ABITRAM: variants seen among roughly 807,000 people sequenced by gnomAD.
ABITRAM encodes actin binding transcription modulator.
Under a neutral mutation model 22.9 loss-of-function variants are expected in ABITRAM, and 19 were observed. The ratio of observed to expected loss-of-function variants is 0.83; its 90% CI spans 0.58 to 1.22. The LOEUF (loss-of-function observed/expected upper bound fraction) is 1.22, where lower values mean the gene tolerates loss of function less well. ABITRAM is among the 50% of genes most tolerant of loss of function. ABITRAM has a pLI of 0.00. For synonymous variants in ABITRAM, 70 were observed against 73.9 expected (o/e 0.95, Z 0.27); for missense variants, 215 against 220.2 (o/e 0.98, Z 0.15).
intron 3 of ABITRAM, among the ~76,000 whole-genome samples, chr9:108,937,201 T>C (rs1701352069): frequency 6.6e-6 from 1 of 151,864 alleles, no homozygotes; most frequent in Admixed American, 6.6e-5. Flanking sequence ...TACGAGAAAA[T>C]ATATTTGCTC....
chr9:108,936,003 T>C (rs1393858084), intron 2 of ABITRAM: 8 of 492,504 alleles, frequency 1.6e-5, no homozygotes, highest in Admixed American at 3.4e-5. Flanking sequence ...AGGGCTACGG[T>C]AGAGACATGT....
chr9:108,942,027 C>T (rs538775565), downstream of ABITRAM, among the ~76,000 whole-genome samples: 2 of 152,254 alleles, frequency 1.3e-5, no homozygotes, highest in East Asian at 3.9e-4. Context: ...TCAATCAATA[C>T]TGAGAAAGTT....
At chr9:108,944,981 C>T (rs1587938770), downstream of ABITRAM, among the ~76,000 whole-genome samples, 1 of 152,314 alleles carries the variant, frequency 6.6e-6, no homozygotes, top group East Asian at 1.9e-4. Flanking sequence ...GATTCACTTC[C>T]CCAAGTGTTC....
Position 108,939,579 on chromosome 9 carries a change from T to C in ABITRAM, c.439T>C (p.Leu147=). The part of the protein sequence containing the change: ...PSTEGYIAVV[L]PKFEESKSIT... ...TACTGAAGGCTACATTGCAGTTGTG[T>C]TACCCAAATTTGAAGAAAGTAAAAG... Residue 147 remains leucine, a synonymous_variant, in exon 6 of 6, where the codon TTA becomes CTA. Transcript: ENST00000322940. 6.2e-7 allele frequency: 1 copy of C among 1,614,086 alleles called. No individual in the cohort carries two copies. Among genetic ancestry groups the C allele is most frequent in the South Asian group, 1.1e-5 (1 of 91,076 alleles).
chr9:108,945,569 C>T (rs1239342460), downstream of ABITRAM, among the ~76,000 whole-genome samples: 3 of 151,474 alleles, frequency 2.0e-5, no homozygotes, highest in Non-Finnish European at 4.4e-5. Context: ...TCAAGCGATC[C>T]TCCTGCCTCA....
chr9:108,939,130 G>A, intron 3 of ABITRAM, 66 bp from the exon 4 acceptor site: 1 of 1,344,194 alleles, frequency 7.4e-7, no homozygotes, highest in Non-Finnish European at 1.1e-6. Flanking sequence ...ATACACCTAA[G>A]GGCTACTTCT....
intron 3 of ABITRAM, among the ~76,000 whole-genome samples, chr9:108,949,836 T>A (rs1261246052): frequency 6.6e-6 from 1 of 151,248 alleles, no homozygotes; most frequent in East Asian, 1.9e-4. Context: ...AGAGCAAGAC[T>A]CCGTCTCAAA....
intron 3 of ABITRAM, among the ~76,000 whole-genome samples, chr9:108,937,304 T>C (rs1030337516): frequency 3.9e-5 from 6 of 152,380 alleles, no homozygotes; most frequent in African/African-American, 1.4e-4. Context: ...TATAGAATGC[T>C]ATCTCTACCC....
At chr9:108,950,651 G>A (rs1830536391) in exon 4 of ABITRAM, 4 of 1,537,706 alleles carry the variant, frequency 2.6e-6, no homozygotes, top group Middle Eastern at 1.7e-4. Context: ...TCTGTCTGCT[G>A]CCTCACCTAT....
chr9:108,935,815 T>C, intron 2 of ABITRAM, 126 bp downstream of exon 2: 1 of 645,578 alleles, frequency 1.5e-6, no homozygotes, highest in Non-Finnish European at 2.7e-6. Flanking sequence ...TATCTTCTAC[T>C]GTGTTGAAAT....
chr9:108,939,751 A>G lies in ABITRAM; in HGVS notation c.*65A>G. 1.3e-6 allele frequency: 2 copies of G among 1,578,654 alleles called. No homozygotes were observed. The highest frequency in any genetic ancestry group is 1.7e-6 in the Non-Finnish European group (2 of 1,159,386). On this transcript the variant is annotated 3_prime_UTR_variant, in exon 6 of 6. Transcript: ENST00000322940. ...ACCTGGCCTAAACCATCAGGGTACT[A>G]AAGGAGAAGAACCAGTATATGTAAA...
downstream of ABITRAM, chr9:108,943,944 T>C (rs1830322880): frequency 1.9e-6 from 3 of 1,612,210 alleles, no homozygotes; most frequent in Non-Finnish European, 2.5e-6. Flanking sequence ...CAGCTCCAGG[T>C]AGGTAGACAT....
At chr9:108,937,825 C>A (rs1172873660) in intron 3 of ABITRAM, among the ~76,000 whole-genome samples, 2 of 147,414 alleles carry the variant, frequency 1.4e-5, no homozygotes, top group Non-Finnish European at 1.5e-5. Context: ...TCATTTCTAC[C>A]AAAAAAAAAA....
At chr9:108,947,439 G>T (rs1447947307) in intron 3 of ABITRAM, among the ~76,000 whole-genome samples, 1 of 152,144 alleles carries the variant, frequency 6.6e-6, no homozygotes, top group African/African-American at 2.4e-5. Flanking sequence ...TCAAATCTCA[G>T]ATGTACATGG....
In ABITRAM at chr9:108,935,650, A is replaced by G; in HGVS notation, c.92A>G (p.Lys31Arg). Residue 31 changes from lysine to arginine, a missense_variant, in exon 2 of 6, where the codon AAA (lysine) becomes AGA (arginine). Lys to Arg is a conservative substitution (Grantham distance 26). Coordinates refer to ENST00000322940, the MANE Select transcript of ABITRAM (RefSeq NM_017832.4). ...TRWYKPDVKG[K>R]FCEDHCILQH... ...TGTATTCTTCTAGATGTCAAAGGAA[A>G]ATTTTGTGAGGACCACTGTATACTA... The G allele has an allele frequency of 1.2e-6, 2 of 1,613,418 alleles. No individual in the cohort carries two copies. The highest frequency in any genetic ancestry group is 1.7e-6 in the Non-Finnish European group (2 of 1,179,432).
downstream of ABITRAM, chr9:108,942,745 C>T (rs375281471): frequency 1.0e-5 from 15 of 1,439,470 alleles, no homozygotes; most frequent in African/African-American, 1.8e-4. Flanking sequence ...CATGATGTTC[C>T]AGAGATCTGA....
chr9:108,943,995 C>A, downstream of ABITRAM: 1 of 1,613,808 alleles, frequency 6.2e-7, no homozygotes, highest in Non-Finnish European at 8.5e-7. Flanking sequence ...TGGAAGTAAG[C>A]TTTAAACCCT....
At chr9:108,944,757 T>C (rs1485723112), downstream of ABITRAM, among the ~76,000 whole-genome samples, 1 of 152,016 alleles carries the variant, frequency 6.6e-6, no homozygotes, top group Admixed American at 6.5e-5. Flanking sequence ...CTGAGAGTGG[T>C]TTGTGAATGA....
chr9:108,938,389 A>G (rs188516619), intron 3 of ABITRAM, among the ~76,000 whole-genome samples: 1 of 152,330 alleles, frequency 6.6e-6, no homozygotes, highest in East Asian at 1.9e-4. Context: ...TACAGGAAAA[A>G]TTCATGGGAG....
Sources: gnomAD v4.1 joint callset for allele counts (sites outside exome capture counted in the v4.1 genomes callset) on GRCh38, gnomAD v4.1.1 for gene constraint, MANE v1.5 for transcripts, NCBI Gene and HGNC (gene_info 2026-07-23, HGNC 2026-07-21) for gene names.